The following FIP1L1 variants were observed in gnomAD, a reference collection of about 807,000 sequenced individuals.
FIP1L1 encodes the protein pre-mRNA 3'-end-processing factor FIP1.
Under a neutral mutation model 84.6 loss-of-function variants are expected in FIP1L1, and 21 were observed. The observed-to-expected ratio is 0.25, with a 90% CI of 0.18 to 0.36. The LOEUF (loss-of-function observed/expected upper bound fraction) is 0.36, where lower values mean the gene tolerates loss of function less well. Among genes scored for constraint, FIP1L1 ranks in the 10% least tolerant of loss-of-function variants. The pLI is 1.00. For missense variants in FIP1L1, 526 were observed against 751.1 expected (o/e 0.70, Z 3.50); for synonymous variants, 263 against 242.3 (o/e 1.09, Z -0.80).
At chr4:53,379,159 G>C (rs748416079) in intron 2 of FIP1L1, 42 bp downstream of exon 2, 1 of 1,609,832 alleles carries the variant, frequency 6.2e-7, no homozygotes. Flanking sequence ...CATAATACTA[G>C]TTTCTTTAAG....
intron 13 of FIP1L1, among the ~76,000 whole-genome samples, chr4:53,431,697 C>T (rs1396393752): frequency 6.6e-6 from 1 of 151,922 alleles, no homozygotes; most frequent in Non-Finnish European, 1.5e-5. Context: ...ACCTTCTATC[C>T]CAGCATAATT....
intron 9 of FIP1L1, among the ~76,000 whole-genome samples, chr4:53,392,073 A>T (rs1744539846): frequency 6.6e-6 from 1 of 152,256 alleles, no homozygotes; most frequent in African/African-American, 2.4e-5. Context: ...TTTGAGGTTG[A>T]TACTACAACT....
intron 4 of FIP1L1, 147 bp downstream of exon 4, chr4:53,382,482 C>G (rs1738621960): frequency 1.6e-6 from 1 of 609,600 alleles, no homozygotes; most frequent in African/African-American, 1.9e-5. Flanking sequence ...TCATCTGGTG[C>G]CATCAAAAAC....
intron 16 of FIP1L1, among the ~76,000 whole-genome samples, chr4:53,456,803 A>G (rs939597652): frequency 3.3e-5 from 5 of 152,082 alleles, no homozygotes; most frequent in African/African-American, 1.2e-4. Context: ...CCAATCTTCT[A>G]CCATCTGTTA....
chr4:53,380,651 C>T (rs1737355341), intron 3 of FIP1L1, among the ~76,000 whole-genome samples: 1 of 152,126 alleles, frequency 6.6e-6, no homozygotes, highest in South Asian at 2.1e-4. Flanking sequence ...GTTCAGCTTC[C>T]TTACCCAAAA....
At chr4:53,423,892 A>G (rs1438832042) in intron 11 of FIP1L1, among the ~76,000 whole-genome samples, 1 of 152,216 alleles carries the variant, frequency 6.6e-6, no homozygotes, top group Non-Finnish European at 1.5e-5. Flanking sequence ...TTAAGAGGTG[A>G]ATACTTCCAT....
chr4:53,389,819 A>G lies in FIP1L1; in HGVS notation c.343A>G (p.Thr115Ala). 1.2e-6 allele frequency: 2 copies of G among 1,603,634 alleles called. No homozygotes were observed. Among genetic ancestry groups the G allele is most frequent in the Non-Finnish European group, 1.7e-6 (2 of 1,176,662 alleles). ...TTTGTTTGTTTTTAGGAGTTATGGT[A>G]CAGCACCTGTAAATCTTAACATCAA... ...TGAPQYGSYG[T>A]APVNLNIKTG... Residue 115 changes from threonine to alanine, a missense_variant, in exon 6 of 18, where the codon ACA (threonine) becomes GCA (alanine). Thr to Ala is a moderately conservative substitution (Grantham distance 58, BLOSUM62 0). This residue lies in a region of FIP1L1 where 169 missense variants were observed against 206.9 expected (regional missense o/e 0.82). Coordinates refer to ENST00000337488, the MANE Select transcript of FIP1L1 (RefSeq NM_030917.4).
At chr4:53,448,657 A>G (rs1331817401) in intron 15 of FIP1L1, among the ~76,000 whole-genome samples, 3 of 152,122 alleles carry the variant, frequency 2.0e-5, no homozygotes. Context: ...CAGGATTTGA[A>G]CCTATGTTGC....
Position 53,415,553 on chromosome 4 carries a change from G to T in FIP1L1, c.923+831G>T, listed in dbSNP as rs114343204. Among the ~76,000 whole-genome samples the T allele has an allele frequency of 6.6e-3, 988 of 149,484 alleles. 11 individuals carry two copies. Among genetic ancestry groups the T allele is most frequent in the African/African-American group, 0.023 (952 of 40,878 alleles). On this transcript the variant is annotated intron_variant, in intron 11 of 17. Transcript: ENST00000337488. ...TGTTTTTTTTTTTGCTTTTGTTAGAGAATTTTAAGCTATTTACCTGGTTAG... is the reference window on the plus strand; with the variant it reads ...TGTTTTTTTTTTTGCTTTTGTTAGATAATTTTAAGCTATTTACCTGGTTAG...
chr4:53,401,625 G>A (rs771546206), intron 10 of FIP1L1, among the ~76,000 whole-genome samples: 1 of 152,200 alleles, frequency 6.6e-6, no homozygotes, highest in African/African-American at 2.4e-5. Context: ...GATGTAGATT[G>A]TAGAGGAAAA....
chr4:53,432,398 CAAAAAAAA>C (rs35596754), intron 13 of FIP1L1, among the ~76,000 whole-genome samples: 6 of 68,398 alleles, frequency 8.8e-5, no homozygotes, highest in East Asian at 4.9e-4. Flanking sequence ...AACTCCATCT[CAAAAAAAA>C]AAAAAAAAAA....
intron 13 of FIP1L1, among the ~76,000 whole-genome samples, chr4:53,429,221 A>G (rs1305026948): frequency 6.6e-6 from 1 of 152,244 alleles, no homozygotes; most frequent in Non-Finnish European, 1.5e-5. Context: ...AAAATATGAA[A>G]AAATGACTTG....
At chr4:53,409,343 C>T (rs941734883) in intron 10 of FIP1L1, among the ~76,000 whole-genome samples, 5 of 152,138 alleles carry the variant, frequency 3.3e-5, no homozygotes, top group Non-Finnish European at 5.9e-5. Flanking sequence ...GCTGTCTGAT[C>T]GTTCCTCTGG....
chr4:53,430,341 CTTT>C lies in FIP1L1; in HGVS notation c.1174+2180_1174+2182del, dbSNP rs376793476. 7.4e-3 allele frequency among the ~76,000 whole-genome samples: 561 copies of C among 75,834 alleles called. 2 individuals carry two copies. Among genetic ancestry groups the C allele is most frequent in the African/African-American group, 0.028 (515 of 18,096 alleles). The allele number at this position is 75,834 out of a possible 152,430, so 49.8% of individuals were successfully genotyped here. On this transcript the variant is annotated intron_variant, in intron 13 of 17. Transcript: ENST00000337488. ...ACTTTTTTTCAAAATGATAAAATTA[CTTT>C]TTTTTTTTTTTTTTTTTTTTTGGAG...
intron 17 of FIP1L1, among the ~76,000 whole-genome samples, chr4:53,459,050 T>C (rs551389427): frequency 8.5e-5 from 13 of 152,274 alleles, no homozygotes; most frequent in Admixed American, 2.0e-4. Flanking sequence ...TATTATAATA[T>C]GCATTTCAGA....
At chr4:53,423,241 A>G (rs1763077562) in intron 11 of FIP1L1, among the ~76,000 whole-genome samples, 1 of 152,174 alleles carries the variant, frequency 6.6e-6, no homozygotes, top group Non-Finnish European at 1.5e-5. Context: ...TAAACTGTAC[A>G]TTAACTCAGA....
intron 10 of FIP1L1, among the ~76,000 whole-genome samples, chr4:53,401,935 C>T (rs942938703): frequency 1.3e-5 from 2 of 151,890 alleles, no homozygotes; most frequent in Non-Finnish European, 2.9e-5. Context: ...GGAATTAGAC[C>T]ATAAAAGAGG....
intron 13 of FIP1L1, among the ~76,000 whole-genome samples, chr4:53,434,678 G>C (rs1194271170): frequency 6.6e-6 from 1 of 152,112 alleles, no homozygotes; most frequent in African/African-American, 2.4e-5. Flanking sequence ...ATGTTGGTCA[G>C]GCTGGTCTTG....
chr4:53,385,130 A>G (rs80048818), intron 5 of FIP1L1, among the ~76,000 whole-genome samples: 2,681 of 152,268 alleles, frequency 0.018, 79 homozygotes, highest in African/African-American at 0.061. Context: ...CATTTGGGAA[A>G]GTAAATAATT....
Sources: allele counts gnomAD v4.1 joint callset (sites outside exome capture counted in the v4.1 genomes callset), GRCh38; gene constraint gnomAD v4.1.1; regional missense constraint gnomAD v4.1.1; transcripts MANE v1.5; gene names NCBI Gene and HGNC (gene_info 2026-07-23, HGNC 2026-07-21).